SEMA4D: variants seen among roughly 807,000 people sequenced by gnomAD.
SEMA4D encodes the protein semaphorin-4D.
Under a neutral mutation model 74.8 loss-of-function variants are expected in SEMA4D, and 22 were observed. The observed-to-expected ratio is 0.29, with a 90% CI of 0.21 to 0.42. SEMA4D has a LOEUF of 0.42. Ranked by LOEUF, SEMA4D falls within the 10% of genes least tolerant of loss-of-function variation. The pLI is 1.00. For synonymous variants in SEMA4D, 445 were observed against 463.7 expected (o/e 0.96, Z 0.52); for missense variants, 937 against 1,118.4 (o/e 0.84, Z 2.31).
At chr9:89,452,613 G>C (rs1288079345) in intron 2 of SEMA4D, among the ~76,000 whole-genome samples, 1 of 152,100 alleles carries the variant, frequency 6.6e-6, no homozygotes, top group Non-Finnish European at 1.5e-5. Flanking sequence ...CACCACGCCC[G>C]GCTAATTTTT....
rs762981044 is a variant in SEMA4D at position 89,388,789 on chromosome 9, G to A, written c.954C>T (p.Asn318=). ...VFYALFTPQL[N]NVGLSAVCAY... ...CGCACACTGCCGACAGCCCCACGTT[G>A]TTCCTGGGGAGGGGAAAGAGGTGAC... The change falls in exon 11 of 16, where the codon AAC becomes AAT. Residue 318 remains asparagine, a synonymous_variant. Transcript: ENST00000422704. 1.1e-5 allele frequency: 17 copies of A among 1,605,438 alleles called. No individual in the cohort carries two copies. Among genetic ancestry groups the A allele is most frequent in the South Asian group, 6.6e-5 (6 of 90,974 alleles).
intron 2 of SEMA4D, among the ~76,000 whole-genome samples, chr9:89,439,773 T>C (rs898985833): frequency 2.0e-5 from 3 of 152,200 alleles, no homozygotes; most frequent in South Asian, 2.1e-4. Flanking sequence ...TAAGTGTCTA[T>C]TTTTAAAAGC....
chr9:89,436,072 C>T (rs1587870734), intron 2 of SEMA4D, among the ~76,000 whole-genome samples: 2 of 152,168 alleles, frequency 1.3e-5, no homozygotes, highest in Admixed American at 1.3e-4. Context: ...CAACATCCTG[C>T]ACTTCTGTTG....
At chr9:89,454,982 G>A (rs1053179963) in intron 2 of SEMA4D, among the ~76,000 whole-genome samples, 3 of 152,222 alleles carry the variant, frequency 2.0e-5, no homozygotes, top group Admixed American at 6.5e-5. Context: ...ATGAAGTGAC[G>A]GGCCAGCCCA....
At chr9:89,455,722 G>C (rs147261092) in intron 2 of SEMA4D, among the ~76,000 whole-genome samples, 166 bp downstream of exon 2, 1 of 152,224 alleles carries the variant, frequency 6.6e-6, no homozygotes. Flanking sequence ...TGAGCTTTCA[G>C]AGACAGGCCT....
At chr9:89,363,753 C>T (rs373206900) in exon 17 of SEMA4D, 1 of 1,612,868 alleles carries the variant, frequency 6.2e-7, no homozygotes, top group African/African-American at 1.3e-5. Context: ...GGTCTCATCA[C>T]AGCAACCTGC....
At chr9:89,437,797 T>C (rs1430321375) in intron 2 of SEMA4D, among the ~76,000 whole-genome samples, 2 of 152,152 alleles carry the variant, frequency 1.3e-5, no homozygotes, top group Non-Finnish European at 2.9e-5. Context: ...ACAGGGACAC[T>C]GTATAAAAGA....
At chr9:89,386,927 CCT>C (rs142730013) in intron 12 of SEMA4D, among the ~76,000 whole-genome samples, 7,682 of 152,298 alleles carry the variant, frequency 0.05, 467 homozygotes, top group African/African-American at 0.12. Context: ...GCTCCTGGCC[CCT>C]GTCCCTGTTC....
chr9:89,377,159 C>A, downstream of SEMA4D: 1 of 1,435,186 alleles, frequency 7.0e-7, no homozygotes, highest in Non-Finnish European at 9.2e-7. Context: ...CAGAAAAGAG[C>A]GAGCCCAGCT....
intron 5 of SEMA4D, among the ~76,000 whole-genome samples, chr9:89,398,595 C>T (rs946529277): frequency 6.6e-6 from 1 of 152,212 alleles, no homozygotes; most frequent in African/African-American, 2.4e-5. Context: ...CTGTCCCACA[C>T]AATGAGAAAA....
At chr9:89,429,098 C>G (rs937187826) in intron 2 of SEMA4D, among the ~76,000 whole-genome samples, 1 of 152,234 alleles carries the variant, frequency 6.6e-6, no homozygotes, top group Non-Finnish European at 1.5e-5. Context: ...CAGCCCCCAG[C>G]TCCTTCCCCA....
At chr9:89,417,112 T>C (rs1229613664) in intron 2 of SEMA4D, among the ~76,000 whole-genome samples, 2 of 152,182 alleles carry the variant, frequency 1.3e-5, no homozygotes, top group African/African-American at 2.4e-5. Flanking sequence ...TCAATTACCT[T>C]ATAACTAAAG....
At chr9:89,422,965 TGTC>T (rs1434351735) in intron 2 of SEMA4D, among the ~76,000 whole-genome samples, 2 of 109,958 alleles carry the variant, frequency 1.8e-5, no homozygotes, top group African/African-American at 2.6e-5. Flanking sequence ...GTCAGCAATG[TGTC>T]AGCAATGTGT....
intron 5 of SEMA4D, among the ~76,000 whole-genome samples, chr9:89,397,560 G>A (rs561580027): frequency 1.1e-4 from 17 of 152,312 alleles, no homozygotes; most frequent in South Asian, 1.0e-3. Context: ...AAGTACTTGC[G>A]TTACATGTGC....
intron 1 of SEMA4D, among the ~76,000 whole-genome samples, chr9:89,470,783 AAG>A (rs1859982905): frequency 6.6e-6 from 1 of 152,254 alleles, no homozygotes; most frequent in Admixed American, 6.5e-5. Flanking sequence ...TGGTGAGTGA[AAG>A]AAGTCAATCT....
chr9:89,421,294 T>C (rs951517898), intron 2 of SEMA4D, among the ~76,000 whole-genome samples: 1 of 152,222 alleles, frequency 6.6e-6, no homozygotes, highest in Non-Finnish European at 1.5e-5. Context: ...AAATTGGCAC[T>C]GCAGCACACA....
rs941327338 is a variant in SEMA4D, at chr9:89,378,085, A to G, written c.*619T>C. 1.3e-5 allele frequency: 2 copies of G among 152,624 alleles called. No individual in the cohort carries two copies. The highest frequency in any genetic ancestry group is 4.8e-5 in the African/African-American group (2 of 41,452). The allele number at this position is 152,624 out of a possible 1,614,324, so 9.5% of individuals were successfully genotyped here. A position where few individuals can be genotyped will look rare whatever the true frequency, so the allele number is the denominator to read the frequency against. ...AAGGAAGTTTATCCCTGAGAATCTT[A>G]AGCAACGTAAGCCGTATTTTATGCC... On this transcript the variant is annotated 3_prime_UTR_variant, in exon 16 of 16. Transcript: ENST00000422704.
intron 16 of SEMA4D, chr9:89,365,217 CAGGCCAGGCCCTGG>C (rs1833438890): frequency 6.6e-6 from 1 of 152,472 alleles, no homozygotes; most frequent in Non-Finnish European, 1.5e-5. Context: ...CTGGGAGGGC[CAGGCCAGGCCCTGG>C]AGGGCAGGTG....
chr9:89,493,556 A>G (rs1355619402), intron 1 of SEMA4D, among the ~76,000 whole-genome samples: 6 of 152,226 alleles, frequency 3.9e-5, no homozygotes, highest in South Asian at 4.1e-4. Flanking sequence ...CCTTCCAAAC[A>G]AAGTCAAAAC....
Sources: allele counts gnomAD v4.1 joint callset (sites outside exome capture counted in the v4.1 genomes callset), GRCh38; gene constraint gnomAD v4.1.1; transcripts MANE v1.5; gene names NCBI Gene and HGNC (gene_info 2026-07-23, HGNC 2026-07-21).